The following NLGN4X variants were observed in gnomAD, a reference collection of about 807,000 sequenced individuals.
The protein encoded by NLGN4X is neuroligin-4, X-linked.
NLGN4X carries 3 observed loss-of-function variants against 40.3 expected under a neutral mutation model. The ratio of observed to expected loss-of-function variants is 0.07; its 90% CI spans 0.03 to 0.19. The LOEUF (loss-of-function observed/expected upper bound fraction) is 0.19. Ranked by LOEUF, NLGN4X falls within the 10% of genes least tolerant of loss-of-function variation. The probability of loss-of-function intolerance (pLI) is 1.00; values close to 1 mark genes in which losing one functional copy is unlikely to be tolerated. For missense variants in NLGN4X, 382 were observed against 708.3 expected (o/e 0.54, Z 5.23); for synonymous variants, 270 against 306.8 (o/e 0.88, Z 1.25).
intron 2 of NLGN4X, among the ~76,000 whole-genome samples, chrX:6,042,813 C>T (rs2037211244): frequency 1.0e-5 from 1 of 99,290 alleles, no homozygotes; most frequent in African/African-American, 3.7e-5. Flanking sequence ...CAGTGGCTCA[C>T]GCCTGTAATC....
intron 2 of NLGN4X, among the ~76,000 whole-genome samples, chrX:6,039,305 G>A (rs1208428127): frequency 1.8e-5 from 2 of 111,089 alleles, no homozygotes; most frequent in African/African-American, 3.3e-5. Flanking sequence ...GAACCCATTG[G>A]CCCTAACCTA....
intron 1 of NLGN4X, among the ~76,000 whole-genome samples, chrX:6,166,436 A>C (rs1438181316): frequency 9.0e-6 from 1 of 111,551 alleles, no homozygotes; most frequent in Admixed American, 9.6e-5. Context: ...CTATTTCAAT[A>C]AAACCGATTT....
In NLGN4X at chrX:6,062,633, G is replaced by A. The variant is rs140804568; in HGVS notation, c.473-33201C>T. Among the ~76,000 whole-genome samples, 565 of 110,778 alleles carry A rather than the reference G, an allele frequency of 5.1e-3. 5 individuals are homozygous for A. Among genetic ancestry groups the A allele is most frequent in the African/African-American group, 0.018 (544 of 30,475 alleles). ...ATCTTAAATTGTAGCTCTCATAATC[G>A]TGGGAGGGACCTGATGGGAGGTAAC... On this transcript the variant is annotated intron_variant, in intron 2 of 5. Coordinates refer to ENST00000381095, the MANE Select transcript of NLGN4X (RefSeq NM_181332.3).
chrX:6,038,394 C>T (rs1434194197), intron 2 of NLGN4X, among the ~76,000 whole-genome samples: 1 of 112,460 alleles, frequency 8.9e-6, no homozygotes, highest in Non-Finnish European at 1.9e-5. Context: ...ACCTGGAGAA[C>T]AGACTCTAGC....
chrX:6,042,762 A>C (rs2037209888), intron 2 of NLGN4X, among the ~76,000 whole-genome samples: 1 of 71,115 alleles, frequency 1.4e-5, no homozygotes, highest in Admixed American at 1.8e-4. Context: ...TATACATATA[A>C]CTCTTGAAAT....
intron 3 of NLGN4X, among the ~76,000 whole-genome samples, chrX:5,970,773 T>A (rs2034999399): frequency 8.9e-6 from 1 of 111,948 alleles, no homozygotes; most frequent in South Asian, 3.7e-4. Context: ...GTTGTACCAA[T>A]CAATTGATAC....
At chrX:5,970,326 T>G (rs2147018279) in intron 3 of NLGN4X, among the ~76,000 whole-genome samples, 1 of 110,769 alleles carries the variant, frequency 9.0e-6, no homozygotes, top group Non-Finnish European at 1.9e-5. Flanking sequence ...ACCCTAGAAC[T>G]TAAAGTATAA....
At chrX:6,096,918 T>A (rs980747547) in intron 2 of NLGN4X, among the ~76,000 whole-genome samples, 1 of 107,873 alleles carries the variant, frequency 9.3e-6, no homozygotes, top group East Asian at 2.9e-4. Flanking sequence ...GCCAAGGACA[T>A]TGATGGTGCT....
chrX:6,021,063 T>C (rs2036533770), intron 3 of NLGN4X, among the ~76,000 whole-genome samples: 1 of 22,594 alleles, frequency 4.4e-5, no homozygotes. Flanking sequence ...CCTCCCTCCC[T>C]CCCTCCCTCC....
At chrX:5,910,753 T>A (rs2032439084) in intron 3 of NLGN4X, among the ~76,000 whole-genome samples, 1 of 111,489 alleles carries the variant, frequency 9.0e-6, no homozygotes, top group African/African-American at 3.3e-5. Flanking sequence ...ACGATTTTCG[T>A]TCAACAATGA....
In NLGN4X at chrX:6,228,559, G is replaced by A. The variant is rs2147929033; in HGVS notation, c.-324C>T. ...CACCTACCTTAGCTTTGGAAGAGCTGCATCGGCCGTTAAGAGTTCTTTTTA... is the reference window on the plus strand; with the variant it reads ...CACCTACCTTAGCTTTGGAAGAGCTACATCGGCCGTTAAGAGTTCTTTTTA... On this transcript the variant is annotated 5_prime_UTR_variant, in exon 1 of 6. It introduces an in-frame stop codon into an upstream open reading frame of the 5' UTR. Transcript: ENST00000381095. The A allele has an allele frequency of 9.0e-6, 1 of 111,480 alleles. No individual in the cohort carries two copies. The highest frequency in any genetic ancestry group is 3.8e-4 in the South Asian group (1 of 2,605). The allele number at this position is 111,480 out of a possible 1,213,427, so 9.2% of individuals were successfully genotyped here.
intron 3 of NLGN4X, among the ~76,000 whole-genome samples, chrX:5,917,498 T>C (rs2032856657): frequency 8.9e-6 from 1 of 112,515 alleles, no homozygotes; most frequent in Non-Finnish European, 1.9e-5. Flanking sequence ...TTGGACATCC[T>C]TGTGGTGGAA....
At chrX:6,039,268 T>C (rs1205069039) in intron 2 of NLGN4X, among the ~76,000 whole-genome samples, 1 of 111,575 alleles carries the variant, frequency 9.0e-6, no homozygotes, top group Non-Finnish European at 1.9e-5. Context: ...GACTAGCAGG[T>C]TGCACAACAA....
At chrX:5,920,302 TGAAA>T (rs1183701613) in intron 3 of NLGN4X, among the ~76,000 whole-genome samples, 2 of 111,864 alleles carry the variant, frequency 1.8e-5, no homozygotes, top group South Asian at 7.4e-4. Context: ...AGTTCACACT[TGAAA>T]GAGAGAGTAA....
At chrX:6,129,313 G>C (rs766918176) in intron 2 of NLGN4X, among the ~76,000 whole-genome samples, 1 of 111,751 alleles carries the variant, frequency 8.9e-6, no homozygotes, top group African/African-American at 3.3e-5. Context: ...CCAGTCAATA[G>C]AGTACTACTA....
At chrX:6,058,790 T>C (rs2037697448) in intron 2 of NLGN4X, among the ~76,000 whole-genome samples, 1 of 112,060 alleles carries the variant, frequency 8.9e-6, no homozygotes, top group African/African-American at 3.2e-5. Context: ...CCTGAAGCTC[T>C]ATGCAATTAT....
At chrX:6,048,369 C>T (rs1195566147) in intron 2 of NLGN4X, among the ~76,000 whole-genome samples, 3 of 111,569 alleles carry the variant, frequency 2.7e-5, no homozygotes, top group Non-Finnish European at 5.6e-5. Context: ...GCAACTCCAA[C>T]AAGCTCAAGA....
Position 6,151,547 on chromosome X carries a change from G to C in NLGN4X, c.-81C>G, listed in dbSNP as rs1243613880. On this transcript the variant is annotated 5_prime_UTR_variant, in exon 2 of 6. Transcript: ENST00000381095. ...CAAAGCCCAGAGGCGAGCCTGCAGA[G>C]AGATAGGGCTTTCCAGGGAGCAGTA... The C allele has an allele frequency of 1.2e-6, 1 of 825,136 alleles. No individual in the cohort carries two copies. The highest frequency in any genetic ancestry group is 2.0e-5 in the African/African-American group (1 of 49,543). 68.0% of individuals were successfully genotyped at this position (825,136 alleles called of 1,213,427 possible).
intron 1 of NLGN4X, among the ~76,000 whole-genome samples, chrX:6,184,753 A>G (rs2147813387): frequency 8.9e-6 from 1 of 112,457 alleles, no homozygotes; most frequent in African/African-American, 3.2e-5. Flanking sequence ...GCCCAAGATA[A>G]CTTCATCTTC....
Sources: gnomAD v4.1 joint callset for allele counts (sites outside exome capture counted in the v4.1 genomes callset) on GRCh38, gnomAD v4.1.1 for gene constraint, MANE v1.5 for transcripts, NCBI Gene and HGNC (gene_info 2026-07-23, HGNC 2026-07-21) for gene names.